The following EPC1 variants were observed in gnomAD, a reference collection of about 807,000 sequenced individuals.
EPC1 encodes enhancer of polycomb 1, also known as enhancer of polycomb homolog 1.
A neutral mutation model predicts 98.4 loss-of-function variants in EPC1; 12 were observed. That is an observed-to-expected ratio of 0.12 (90% CI 0.08 to 0.20). EPC1 has a LOEUF of 0.20. Ranked by LOEUF, EPC1 falls within the 10% of genes least tolerant of loss-of-function variation. The pLI is 1.00. For missense variants in EPC1, 729 were observed against 990.5 expected, an observed-to-expected ratio of 0.74 and a Z score of 3.54; for synonymous variants, 357 against 363.9, an observed-to-expected ratio of 0.98 and a Z score of 0.21.
chr10:32,331,366 A>G (rs1644776518), intron 1 of EPC1, among the ~76,000 whole-genome samples: 1 of 151,962 alleles, frequency 6.6e-6, no homozygotes, highest in South Asian at 2.1e-4. Flanking sequence ...AGAAAAAAAA[A>G]AAAGAAAAGA....
chr10:32,268,143 T>C lies in EPC1; in HGVS notation c.*920A>G, dbSNP rs753658015. ...ACAATTCGACAATAAAAAAGTACAA[T>C]TTTTTTTGTGCTAAAAAAAGGGCAA... On this transcript the variant is annotated 3_prime_UTR_variant, in exon 14 of 14. Coordinates refer to ENST00000319778, the MANE Select transcript of EPC1 (RefSeq NM_001272004.3). 3.3e-5 allele frequency: 5 copies of C among 151,350 alleles called. No individual in the cohort carries two copies. The highest frequency in any genetic ancestry group is 4.9e-5 in the African/African-American group (2 of 40,766). 9.4% of individuals were successfully genotyped at this position (151,350 alleles called of 1,614,324 possible).
At chr10:32,340,902 A>AG (rs1290152354) in intron 1 of EPC1, among the ~76,000 whole-genome samples, 2 of 126,582 alleles carry the variant, frequency 1.6e-5, no homozygotes, top group African/African-American at 5.6e-5. Context: ...ATTTCTCAGA[A>AG]TTTGGTTTAT....
At chr10:32,347,739 A>G (rs1838952378), upstream of EPC1, among the ~76,000 whole-genome samples, 1 of 152,220 alleles carries the variant, frequency 6.6e-6, no homozygotes, top group African/African-American at 2.4e-5. Flanking sequence ...TAAAAATACA[A>G]ACTGAATTAG....
intron 1 of EPC1, among the ~76,000 whole-genome samples, chr10:32,327,985 A>T (rs2132950280): frequency 6.6e-6 from 1 of 152,346 alleles, no homozygotes; most frequent in South Asian, 2.1e-4. Flanking sequence ...ATTGCAAGAA[A>T]GAAACAAATT....
chr10:32,311,537 C>A (rs1334402548), intron 1 of EPC1, among the ~76,000 whole-genome samples: 12 of 149,918 alleles, frequency 8.0e-5, no homozygotes, highest in East Asian at 3.9e-4. Flanking sequence ...AAAAAAACAA[C>A]AAAAACCTTC....
intron 1 of EPC1, among the ~76,000 whole-genome samples, chr10:32,313,842 C>T (rs76261510): frequency 0.15 from 22,855 of 151,674 alleles, 2,035 homozygotes; most frequent in South Asian, 0.33. Flanking sequence ...GCTGAGATCG[C>T]GCCACTGCAC....
intron 1 of EPC1, among the ~76,000 whole-genome samples, chr10:32,368,388 C>T (rs1472958701): frequency 6.6e-6 from 1 of 152,174 alleles, no homozygotes; most frequent in African/African-American, 2.4e-5. Context: ...GTGTTTCCCA[C>T]AGCCACGTGT....
chr10:32,288,903 C>G (rs1021167939), intron 6 of EPC1, among the ~76,000 whole-genome samples: 1 of 151,956 alleles, frequency 6.6e-6, no homozygotes, highest in Admixed American at 6.6e-5. Flanking sequence ...TCCTGGCTAA[C>G]ACGATGAAAC....
upstream of EPC1, among the ~76,000 whole-genome samples, chr10:32,348,808 T>C (rs1166826508): frequency 6.6e-6 from 1 of 151,934 alleles, no homozygotes; most frequent in African/African-American, 2.4e-5. Context: ...GCGAGCTAAG[T>C]GTTATGGTGG....
intron 1 of EPC1, among the ~76,000 whole-genome samples, chr10:32,342,092 GT>G (rs1454139464): frequency 2.1e-5 from 3 of 146,310 alleles, no homozygotes; most frequent in Admixed American, 2.0e-4. Context: ...TTTATCTGAA[GT>G]AATTGTAATC....
chr10:32,268,055 A>G lies in EPC1; in HGVS notation c.*1008T>C, dbSNP rs2132620324. The G allele has an allele frequency of 6.6e-6, 1 of 152,348 alleles. No homozygotes were observed. Among genetic ancestry groups the G allele is most frequent in the South Asian group, 2.1e-4 (1 of 4,832 alleles). The allele number at this position is 152,348 out of a possible 1,614,324, so 9.4% of individuals were successfully genotyped here. ...CTGGAATGATGATACACGTACAGCA[A>G]TTACTGCATTCTTCTCCCTTATATC... On this transcript the variant is annotated 3_prime_UTR_variant, in exon 14 of 14. Transcript: ENST00000319778.
chr10:32,307,650 C>T (rs1426296271), intron 1 of EPC1, among the ~76,000 whole-genome samples: 1 of 152,154 alleles, frequency 6.6e-6, no homozygotes, highest in Non-Finnish European at 1.5e-5. Context: ...AAAACAGTGT[C>T]ACTAAACAGC....
intron 11 of EPC1, chr10:32,272,926 G>T (rs181253428): frequency 1.8e-6 from 2 of 1,095,428 alleles, no homozygotes; most frequent in South Asian, 1.4e-5. Flanking sequence ...CAGGTCAGAC[G>T]GGAAGACAGT....
intron 1 of EPC1, among the ~76,000 whole-genome samples, chr10:32,358,415 A>T (rs1010730764): frequency 2.6e-5 from 4 of 152,094 alleles, no homozygotes; most frequent in Admixed American, 1.3e-4. Flanking sequence ...AGGCTGAAGC[A>T]GGAGGATCAC....
At chr10:32,357,027 T>C (rs950846910) in intron 1 of EPC1, among the ~76,000 whole-genome samples, 4 of 151,974 alleles carry the variant, frequency 2.6e-5, no homozygotes, top group East Asian at 1.9e-4. Flanking sequence ...AAAAAAGTGA[T>C]TTCCCAGTAC....
intron 1 of EPC1, among the ~76,000 whole-genome samples, chr10:32,331,281 GGCAGA>G (rs1257155606): frequency 6.6e-6 from 1 of 151,750 alleles, no homozygotes; most frequent in African/African-American, 2.4e-5. Flanking sequence ...GAACCCGGGA[GGCAGA>G]GGTTGCAGTG....
rs543629417 is a variant in EPC1, at chr10:32,324,776, G to GAGGTCGGCGGATCACA, written c.154-18846_154-18845insTGTGATCCGCCGACCT. ...TGGGAGGCCGAGGTCGGCGGATCAC[G>GAGGTCGGCGGATCACA]AGGTCAGGAGATTGAGACCATCCTG... On this transcript the variant is annotated intron_variant, in intron 1 of 13. Transcript: ENST00000319778. 4.7e-3 allele frequency among the ~76,000 whole-genome samples: 710 copies of GAGGTCGGCGGATCACA among 152,144 alleles called. 5 individuals are homozygous for GAGGTCGGCGGATCACA. Among genetic ancestry groups the GAGGTCGGCGGATCACA allele is most frequent in the Middle Eastern group, 0.017 (5 of 294 alleles).
At chr10:32,318,487 G>A (rs1836687113) in intron 1 of EPC1, among the ~76,000 whole-genome samples, 2 of 152,150 alleles carry the variant, frequency 1.3e-5, no homozygotes, top group Admixed American at 6.5e-5. Context: ...GGATGCTGGT[G>A]ATTATTCTAA....
At chr10:32,315,759 G>A (rs866778720) in intron 1 of EPC1, among the ~76,000 whole-genome samples, 1 of 152,104 alleles carries the variant, frequency 6.6e-6, no homozygotes, top group Non-Finnish European at 1.5e-5. Context: ...ACATCCAAAC[G>A]CCCAACTCTT....
Sources: allele counts gnomAD v4.1 joint callset (sites outside exome capture counted in the v4.1 genomes callset), GRCh38; gene constraint gnomAD v4.1.1; transcripts MANE v1.5; gene names NCBI Gene and HGNC (gene_info 2026-07-23, HGNC 2026-07-21).